The following ABHD2 variants were observed in gnomAD, a reference collection of about 807,000 sequenced individuals.
ABHD2 encodes the protein abhydrolase domain containing 2, acylglycerol lipase.
Under a neutral mutation model 48.1 loss-of-function variants are expected in ABHD2, and 20 were observed. The ratio of observed to expected loss-of-function variants is 0.42; its 90% CI spans 0.29 to 0.60. The LOEUF is 0.60. ABHD2 is among the 20% of genes least tolerant of loss of function. ABHD2 has a pLI of 0.24. For synonymous variants in ABHD2, 209 were observed against 214.2 expected (o/e 0.98, Z 0.21); for missense variants, 405 against 550.9 (o/e 0.74, Z 2.65).
Position 89,195,456 on chromosome 15 carries a change from T to C in ABHD2, c.*33T>C. Reference sequence around the variant, plus strand: ...GGACTCTGGCACGCTCCAGCAGCCCTCCTCTGGAAGCTGCGTCCCCTCACC... The same window carrying C: ...GGACTCTGGCACGCTCCAGCAGCCCCCCTCTGGAAGCTGCGTCCCCTCACC... On this transcript the variant is annotated 3_prime_UTR_variant, in exon 11 of 11. Transcript: ENST00000352732. The surrounding 1 kb of genome is among the most constrained non-coding windows in gnomAD (Gnocchi z 5.1). 2 of 1,598,372 alleles carry C rather than the reference T, an allele frequency of 1.3e-6. No individual in the cohort carries two copies. The highest frequency in any genetic ancestry group is 2.2e-5 in the South Asian group (2 of 89,808).
chr15:89,077,418 A>G, the ABHD2 span, among the ~76,000 whole-genome samples: 1 of 152,168 alleles, frequency 6.6e-6, no homozygotes, highest in Non-Finnish European at 1.5e-5. Flanking sequence ...TACAATCTTA[A>G]GCTATTACGA....
At chr15:89,063,414 C>T in the ABHD2 span, among the ~76,000 whole-genome samples, 6 of 152,088 alleles carry the variant, frequency 3.9e-5, no homozygotes, top group African/African-American at 1.4e-4. Context: ...ATAAAAATCA[C>T]CAGTAATCTG....
chr15:89,053,235 G>A, the ABHD2 span, among the ~76,000 whole-genome samples: 1 of 151,976 alleles, frequency 6.6e-6, no homozygotes, highest in Non-Finnish European at 1.5e-5. Flanking sequence ...CAAAGTGCTG[G>A]GATTACAGGC....
intron 1 of ABHD2, among the ~76,000 whole-genome samples, chr15:89,096,267 A>T (rs1405372588): frequency 6.6e-6 from 1 of 152,246 alleles, no homozygotes; most frequent in Non-Finnish European, 1.5e-5. Flanking sequence ...TGTTTGAGTA[A>T]TTTTATGTTT....
At chr15:89,180,915 C>T (rs1056050135) in intron 6 of ABHD2, among the ~76,000 whole-genome samples, 7 of 152,036 alleles carry the variant, frequency 4.6e-5, no homozygotes, top group African/African-American at 1.4e-4. Context: ...ATATATAACA[C>T]GACAGAATGT....
At chr15:89,067,314 A>G in the ABHD2 span, among the ~76,000 whole-genome samples, 180 of 152,312 alleles carry the variant, frequency 1.2e-3, 1 homozygote, top group African/African-American at 4.1e-3. Flanking sequence ...ACAGTTTAGC[A>G]TTTTCTTTGA....
At chr15:89,178,058 T>G (rs16942807) in intron 6 of ABHD2, among the ~76,000 whole-genome samples, 15,602 of 152,218 alleles carry the variant, frequency 0.1, 2,586 homozygotes, top group African/African-American at 0.35. Context: ...CTACACAGCC[T>G]CTTCCTTGAG....
At chr15:89,187,706 T>C (rs2051234316) in intron 7 of ABHD2, among the ~76,000 whole-genome samples, 1 of 152,252 alleles carries the variant, frequency 6.6e-6, no homozygotes, top group African/African-American at 2.4e-5. Context: ...ACTAGAGAGC[T>C]GTTGGTTTGC....
intron 1 of ABHD2, among the ~76,000 whole-genome samples, chr15:89,101,374 G>A (rs1351282293): frequency 6.6e-6 from 1 of 152,158 alleles, no homozygotes; most frequent in Non-Finnish European, 1.5e-5. Flanking sequence ...GCTGCTGACA[G>A]CCCAGGCCAC....
chr15:89,176,692 A>T lies in ABHD2; in HGVS notation c.722+697A>T, dbSNP rs1045646871. ...TTCACACACACATGCACACACTCAC[A>T]CTATACACACACCTCTCCAGGCTCT... On this transcript the variant is annotated intron_variant, in intron 6 of 10. Coordinates refer to ENST00000352732, the MANE Select transcript of ABHD2 (RefSeq NM_152924.5). This position sits in a 1 kb window ranked among gnomAD's most constrained non-coding sequence, Gnocchi z 4.5. 6.6e-6 allele frequency among the ~76,000 whole-genome samples: 1 copy of T among 152,022 alleles called. No individual in the cohort carries two copies. The highest frequency in any genetic ancestry group is 2.1e-4 in the South Asian group (1 of 4,820).
At position 89,195,378 on chromosome 15, in the gene ABHD2, G is replaced by C; in HGVS notation, c.1233G>C (p.Lys411Asn). ...CCATTTGCCAATGGGAGCGTAACAA[G>C]TTGCAGTGCTCTGACACGGAGCAGG... ...ANAICQWERN[K>N]LQCSDTEQVE... Residue 411 changes from lysine to asparagine, a missense_variant, in exon 11 of 11, where the codon AAG becomes AAC. Physicochemically the swap from Lys to Asn is moderately conservative, Grantham distance 94 (BLOSUM62 0). Coordinates refer to ENST00000352732, the MANE Select transcript of ABHD2 (RefSeq NM_152924.5). The surrounding 1 kb of genome is among the most constrained non-coding windows in gnomAD (Gnocchi z 5.1). 6.2e-7 allele frequency: 1 copy of C among 1,614,190 alleles called. No homozygotes were observed. Among genetic ancestry groups the C allele is most frequent in the Non-Finnish European group, 8.5e-7 (1 of 1,180,040 alleles).
At position 89,195,115 on chromosome 15, in the gene ABHD2, C is replaced by CT; in HGVS notation, c.1082-110dup. 7.9e-7 allele frequency: 1 copy of CT among 1,265,334 alleles called. No homozygotes were observed. Among genetic ancestry groups the CT allele is most frequent in the South Asian group, 1.4e-5 (1 of 70,256 alleles). The allele number at this position is 1,265,334 out of a possible 1,614,324, so 78.4% of individuals were successfully genotyped here. A position where few individuals can be genotyped will look rare whatever the true frequency, so the allele number is the denominator to read the frequency against. On this transcript the variant is annotated intron_variant, in intron 10 of 10. Coordinates refer to ENST00000352732, the MANE Select transcript of ABHD2 (RefSeq NM_152924.5). The surrounding 1 kb of genome is among the most constrained non-coding windows in gnomAD (Gnocchi z 5.1). Reference sequence around the variant, plus strand: ...AGAGTGAGTAGAGGTTGGATGCCCACTTAGGTGACCCTGCGGGGACAGCCA... The same window carrying CT: ...AGAGTGAGTAGAGGTTGGATGCCCACTTTAGGTGACCCTGCGGGGACAGCCA...
chr15:89,160,834 A>G lies in ABHD2; in HGVS notation c.538+5300A>G, dbSNP rs191950503. 4.4e-3 allele frequency among the ~76,000 whole-genome samples: 664 copies of G among 152,314 alleles called. 7 individuals carry two copies. Among genetic ancestry groups the G allele is most frequent in the African/African-American group, 0.015 (627 of 41,582 alleles). ...CACTTTATTGGTCAAAGTACAGTAC[A>G]CGACCAAGCCTAACTTCAGTGGGGT... On this transcript the variant is annotated intron_variant, in intron 5 of 10. Coordinates refer to ENST00000352732, the MANE Select transcript of ABHD2 (RefSeq NM_152924.5).
Position 89,151,868 on chromosome 15 carries a change from T to C in ABHD2, c.370+16T>C. 5 of 1,611,770 alleles carry C rather than the reference T, an allele frequency of 3.1e-6. No homozygotes were observed. The highest frequency in any genetic ancestry group is 4.2e-6 in the Non-Finnish European group (5 of 1,178,582). ...TGTGTTGGAGGTGAGCTGCTTTAGA[T>C]TGTGTGATTGAGCCATCACTCAGAG... On this transcript the variant is annotated intron_variant, in intron 4 of 10. Coordinates refer to ENST00000352732, the MANE Select transcript of ABHD2 (RefSeq NM_152924.5). This position sits in a 1 kb window ranked among gnomAD's most constrained non-coding sequence, Gnocchi z 4.7.
rs1180330489 is a variant in ABHD2, at chr15:89,202,099, G to A, written c.*6676G>A. ...CCTCCGTGCTGCTGGATCTTTGGGG[G>A]GAAATACAGGATCCTTCAGCACTGA... On this transcript the variant is annotated 3_prime_UTR_variant, in exon 11 of 11. Coordinates refer to ENST00000352732, the MANE Select transcript of ABHD2 (RefSeq NM_152924.5). 2 of 250,062 alleles carry A rather than the reference G, an allele frequency of 8.0e-6. No individual in the cohort carries two copies. The highest frequency in any genetic ancestry group is 5.2e-5 in the Admixed American group (1 of 19,234). The allele number at this position is 250,062 out of a possible 1,614,324, so 15.5% of individuals were successfully genotyped here.
At chr15:89,193,149 T>C in intron 9 of ABHD2, 86 bp from the exon 10 acceptor site, 1 of 1,311,922 alleles carries the variant, frequency 7.6e-7, no homozygotes. Flanking sequence ...TTCAAAAACA[T>C]GTCCAGCAGT....
chr15:89,053,134 T>A, the ABHD2 span, among the ~76,000 whole-genome samples: 2 of 151,898 alleles, frequency 1.3e-5, no homozygotes. Context: ...GCCTGGCCAA[T>A]TTTTTGTATT....
chr15:89,175,672 GAC>G lies in ABHD2; in HGVS notation c.539-131_539-130del. The G allele has an allele frequency of 9.2e-6, 8 of 869,628 alleles. No individual in the cohort carries two copies. The highest frequency in any genetic ancestry group is 1.7e-5 in the South Asian group (1 of 59,226). 53.9% of individuals were successfully genotyped at this position (869,628 alleles called of 1,614,324 possible). A position where few individuals can be genotyped will look rare whatever the true frequency, so the allele number is the denominator to read the frequency against. On this transcript the variant is annotated intron_variant, in intron 5 of 10. Transcript: ENST00000352732. The surrounding 1 kb of genome is among the most constrained non-coding windows in gnomAD (Gnocchi z 5.7). Reference sequence around the variant, plus strand: ...GTCTCTCTCTCCACACACATCCCCCGACACACACACGTATATATACACATATA... The same window carrying G: ...GTCTCTCTCTCCACACACATCCCCCGACACACACGTATATATACACATATA...
intron 3 of ABHD2, among the ~76,000 whole-genome samples, chr15:89,134,138 G>A (rs1239905866): frequency 3.3e-5 from 5 of 152,006 alleles, no homozygotes; most frequent in East Asian, 1.9e-4. Flanking sequence ...GCGCCCGGCC[G>A]CATAATTTTT....
Sources: gnomAD v4.1 joint callset for allele counts (sites outside exome capture counted in the v4.1 genomes callset) on GRCh38, gnomAD v4.1.1 for gene constraint, Gnocchi (gnomAD v3.1) non-coding constraint, MANE v1.5 for transcripts, NCBI Gene and HGNC (gene_info 2026-07-23, HGNC 2026-07-21) for gene names.